ATP11A: variants seen among roughly 807,000 people sequenced by gnomAD.
ATP11A encodes phospholipid-transporting ATPase IH.
In ATP11A, 81 loss-of-function variants were observed where a neutral mutation model predicts 154.4. The observed-to-expected ratio is 0.52, with a 90% CI of 0.44 to 0.63. The LOEUF is 0.63. ATP11A is among the 30% of genes least tolerant of loss of function. The probability of loss-of-function intolerance (pLI) is 0.00; values close to 1 mark genes in which losing one functional copy is unlikely to be tolerated. For synonymous variants in ATP11A, 623 were observed against 585.9 expected (o/e 1.06, Z -0.91); for missense variants, 1,316 against 1,474.3 (o/e 0.89, Z 1.76).
intron 1 of ATP11A, among the ~76,000 whole-genome samples, chr13:112,702,664 A>C (rs781742702): frequency 6.6e-6 from 1 of 152,202 alleles, no homozygotes. Flanking sequence ...CGTTCTGCTG[A>C]TATCTATCCC....
chr13:112,850,425 C>T (rs1352562267), intron 17 of ATP11A, among the ~76,000 whole-genome samples: 1 of 152,192 alleles, frequency 6.6e-6, no homozygotes, highest in Non-Finnish European at 1.5e-5. Flanking sequence ...GCCCCCATTC[C>T]TTGTGTCTTG....
chr13:112,692,369 C>A (rs1261147865), intron 1 of ATP11A, among the ~76,000 whole-genome samples: 1 of 152,220 alleles, frequency 6.6e-6, no homozygotes, highest in Non-Finnish European at 1.5e-5. Flanking sequence ...CCGGCTCACC[C>A]TTTGGAGAAT....
intron 1 of ATP11A, among the ~76,000 whole-genome samples, chr13:112,758,640 G>T (rs2076897831): frequency 6.6e-6 from 1 of 151,520 alleles, no homozygotes; most frequent in Non-Finnish European, 1.5e-5. Context: ...AGCCAGGATG[G>T]TCTCGATCTC....
chr13:112,713,480 T>G (rs1304039776), intron 1 of ATP11A, among the ~76,000 whole-genome samples: 1 of 152,226 alleles, frequency 6.6e-6, no homozygotes, highest in Non-Finnish European at 1.5e-5. Flanking sequence ...ATGGTTCTCA[T>G]GCATGTAAGA....
chr13:112,830,428 T>G (rs1222249166), intron 12 of ATP11A, among the ~76,000 whole-genome samples: 2 of 151,962 alleles, frequency 1.3e-5, no homozygotes, highest in African/African-American at 4.8e-5. Flanking sequence ...ATACAAAAAT[T>G]AGCCAGACGT....
At chr13:112,833,711 A>G (rs1346890859) in intron 14 of ATP11A, among the ~76,000 whole-genome samples, 1 of 152,204 alleles carries the variant, frequency 6.6e-6, no homozygotes, top group Non-Finnish European at 1.5e-5. Flanking sequence ...AGCAGCACAG[A>G]TACGTCAACA....
At chr13:112,813,237 G>A (rs1037071411) in intron 5 of ATP11A, among the ~76,000 whole-genome samples, 1 of 152,034 alleles carries the variant, frequency 6.6e-6, no homozygotes, top group Non-Finnish European at 1.5e-5. Flanking sequence ...TTTTTATTTC[G>A]AGGTAATTAC....
At chr13:112,878,469 G>A in intron 29 of ATP11A, 166 bp downstream of exon 29, 1 of 661,084 alleles carries the variant, frequency 1.5e-6, no homozygotes, top group Admixed American at 2.4e-5. Context: ...ACCTTCTCAT[G>A]CACAGACTGA....
Position 112,868,768 on chromosome 13 carries a change from G to A in ATP11A, c.2992-2967G>A, listed in dbSNP as rs1476618755. ...CACATGGCTCTGAAGAGCTACCTGA[G>A]ACAGGGTGATTTAGGAAGAAAAGAG... On this transcript the variant is annotated intron_variant, in intron 25 of 29. Coordinates refer to ENST00000375645, the MANE Select transcript of ATP11A (RefSeq NM_015205.3). Among the ~76,000 whole-genome samples the A allele has an allele frequency of 3.3e-5, 5 of 152,180 alleles. No individual in the cohort carries two copies. The East Asian group carries it at 9.6e-4, about 29-fold the overall frequency.
chr13:112,727,740 CT>C (rs776226236), intron 1 of ATP11A, among the ~76,000 whole-genome samples: 6 of 152,222 alleles, frequency 3.9e-5, no homozygotes, highest in Non-Finnish European at 8.8e-5. Flanking sequence ...GGAAATTCAC[CT>C]GACACCAGAT....
chr13:112,815,498 C>T (rs1026524524), intron 5 of ATP11A, among the ~76,000 whole-genome samples: 2 of 152,192 alleles, frequency 1.3e-5, no homozygotes, highest in African/African-American at 4.8e-5. Context: ...CCTTCCTCAC[C>T]CTTCAGACAC....
intron 1 of ATP11A, among the ~76,000 whole-genome samples, chr13:112,784,639 CAGCCTCCTGAGT>C: frequency 6.6e-6 from 1 of 151,984 alleles, no homozygotes; most frequent in Non-Finnish European, 1.5e-5. Flanking sequence ...TCTCCTGCCT[CAGCCTCCTGAGT>C]AGCTGGGACT....
At position 112,882,262 on chromosome 13, in the gene ATP11A, C is replaced by T. The variant is rs1211830986; in HGVS notation, c.*396C>T. On this transcript the variant is annotated 3_prime_UTR_variant, in exon 30 of 30. Coordinates refer to ENST00000375645, the MANE Select transcript of ATP11A (RefSeq NM_015205.3). This position sits in a 1 kb window ranked among gnomAD's most constrained non-coding sequence, Gnocchi z 5.1. ...GGACATTCTGCTGGCCCACCCTGCGCGCTGTCATGCAGAGGCCATTCCCCC... is the reference window on the plus strand; with the variant it reads ...GGACATTCTGCTGGCCCACCCTGCGTGCTGTCATGCAGAGGCCATTCCCCC... 3.0e-5 allele frequency: 17 copies of T among 564,852 alleles called. No individual in the cohort carries two copies. Among genetic ancestry groups the T allele is most frequent in the East Asian group, 2.7e-4 (4 of 14,844 alleles). The allele number at this position is 564,852 out of a possible 1,614,324, so 35.0% of individuals were successfully genotyped here.
chr13:112,871,887 T>C, intron 26 of ATP11A, 87 bp downstream of exon 26: 2 of 1,387,180 alleles, frequency 1.4e-6, no homozygotes, highest in Non-Finnish European at 2.0e-6. Flanking sequence ...CTCTGAATTA[T>C]AACTCTGTAC....
chr13:112,880,593 T>C (rs9577174), intron 29 of ATP11A: 562,825 of 1,299,480 alleles, frequency 0.43, 122,735 homozygotes, highest in Middle Eastern at 0.46. Context: ...AGAGCAGCGA[T>C]GGGCCCCTCC....
chr13:112,825,657 G>C (rs529246219), intron 11 of ATP11A, 77 bp downstream of exon 11: 1 of 1,485,218 alleles, frequency 6.7e-7, no homozygotes, highest in Non-Finnish European at 9.0e-7. Flanking sequence ...GCAAGAAAAA[G>C]ATGACGGTGA....
chr13:112,740,102 AG>A (rs1304857754), intron 1 of ATP11A, among the ~76,000 whole-genome samples: 1 of 151,502 alleles, frequency 6.6e-6, no homozygotes, highest in African/African-American at 2.4e-5. Flanking sequence ...TACATTGTAA[AG>A]GGTGAATTTT....
chr13:112,773,332 C>A (rs1219835158), intron 1 of ATP11A, among the ~76,000 whole-genome samples: 1 of 152,138 alleles, frequency 6.6e-6, no homozygotes, highest in African/African-American at 2.4e-5. Context: ...CTTCTGTTTT[C>A]ATGTATTTTA....
intron 24 of ATP11A, 87 bp from the exon 25 acceptor site, chr13:112,862,353 C>T (rs995959692): frequency 2.0e-6 from 3 of 1,521,920 alleles, no homozygotes; most frequent in Admixed American, 1.9e-5. Context: ...ATGAAGACAA[C>T]GTCCAGGGAT....
Sources: gnomAD v4.1 joint callset for allele counts (sites outside exome capture counted in the v4.1 genomes callset) on GRCh38, gnomAD v4.1.1 for gene constraint, Gnocchi (gnomAD v3.1) non-coding constraint, MANE v1.5 for transcripts, NCBI Gene and HGNC (gene_info 2026-07-23, HGNC 2026-07-21) for gene names.